Variants in HSD17B12 observed in about 807,000 individuals in gnomAD.
HSD17B12 encodes the protein very-long-chain 3-oxoacyl-CoA reductase.
Under a neutral mutation model 39.3 loss-of-function variants are expected in HSD17B12, and 32 were observed. The ratio of observed to expected loss-of-function variants is 0.81; its 90% CI spans 0.61 to 1.09. The LOEUF (loss-of-function observed/expected upper bound fraction) is 1.09. Among genes scored for constraint, HSD17B12 ranks in the 50% least tolerant of loss-of-function variants. The probability of loss-of-function intolerance (pLI) is 0.00; values close to 1 mark genes in which losing one functional copy is unlikely to be tolerated. For missense variants in HSD17B12, 342 were observed against 382.9 expected (o/e 0.89, Z 0.89); for synonymous variants, 150 against 146.7 (o/e 1.02, Z -0.16).
At chr11:43,810,961 CAT>C (rs1038773685) in intron 4 of HSD17B12, among the ~76,000 whole-genome samples, 4 of 152,292 alleles carry the variant, frequency 2.6e-5, no homozygotes, top group Admixed American at 6.5e-5. Context: ...GTTGGAGCAA[CAT>C]GTGCCATTGT....
chr11:43,687,466 A>G (rs962401374), intron 1 of HSD17B12, among the ~76,000 whole-genome samples: 1 of 152,212 alleles, frequency 6.6e-6, no homozygotes, highest in Non-Finnish European at 1.5e-5. Context: ...TTTGTGAGGG[A>G]AAGTTCTAGA....
intron 1 of HSD17B12, among the ~76,000 whole-genome samples, chr11:43,734,886 A>T (rs73540442): frequency 0.015 from 2,273 of 152,248 alleles, 62 homozygotes; most frequent in African/African-American, 0.051. Flanking sequence ...AGGTATTTCT[A>T]CCACCCCAAA....
At chr11:43,678,154 G>T (rs1215916162), upstream of HSD17B12, among the ~76,000 whole-genome samples, 4 of 151,798 alleles carry the variant, frequency 2.6e-5, no homozygotes, top group Non-Finnish European at 5.9e-5. Flanking sequence ...ATCTCATTGT[G>T]GTTTTGATTT....
chr11:43,827,147 C>T (rs1951251113), intron 6 of HSD17B12, among the ~76,000 whole-genome samples: 1 of 152,064 alleles, frequency 6.6e-6, no homozygotes, highest in Non-Finnish European at 1.5e-5. Context: ...GTATGAATAT[C>T]CTGGATTCCA....
At position 43,855,305 on chromosome 11, in the gene HSD17B12, C is replaced by A; in HGVS notation, c.*57C>A. ...TGCTCCAGCATATGCACGTTCACTGCAAAGCACCCTACTGGTTTTGAAAAT... is the reference window on the plus strand; with the variant it reads ...TGCTCCAGCATATGCACGTTCACTGAAAAGCACCCTACTGGTTTTGAAAAT... On this transcript the variant is annotated 3_prime_UTR_variant, in exon 11 of 11. Coordinates refer to ENST00000278353, the MANE Select transcript of HSD17B12 (RefSeq NM_016142.3). 2.0e-6 allele frequency: 2 copies of A among 985,654 alleles called. No homozygotes were observed. Among genetic ancestry groups the A allele is most frequent in the South Asian group, 1.6e-5 (1 of 62,830 alleles). 61.1% of individuals were successfully genotyped at this position (985,654 alleles called of 1,614,324 possible).
the HSD17B12 span, chr11:43,579,241 C>A: frequency 6.6e-6 from 1 of 152,260 alleles, no homozygotes; most frequent in Non-Finnish European, 1.5e-5. Context: ...CAGTGGCGCG[C>A]CTGCTCGCTC....
the HSD17B12 span, among the ~76,000 whole-genome samples, chr11:43,626,676 T>G: frequency 1.3e-5 from 2 of 152,008 alleles, no homozygotes; most frequent in African/African-American, 4.8e-5. Flanking sequence ...TTTTACAAAC[T>G]TTCCATTTCA....
the HSD17B12 span, chr11:43,569,906 C>G: frequency 6.5e-5 from 10 of 152,798 alleles, no homozygotes; most frequent in African/African-American, 2.2e-4. Flanking sequence ...GCCATAATAA[C>G]CCCTCATTGA....
intron 1 of HSD17B12, among the ~76,000 whole-genome samples, chr11:43,750,162 G>T (rs892489334): frequency 3.3e-5 from 5 of 151,766 alleles, no homozygotes; most frequent in Admixed American, 2.0e-4. Context: ...ACACACAGTA[G>T]TAACTGCCAC....
At chr11:43,667,539 C>T in the HSD17B12 span, among the ~76,000 whole-genome samples, 2 of 152,136 alleles carry the variant, frequency 1.3e-5, no homozygotes, top group Non-Finnish European at 2.9e-5. Context: ...CTAATGAATA[C>T]GGATCGGGTA....
chr11:43,728,915 T>A (rs539042529), intron 1 of HSD17B12, among the ~76,000 whole-genome samples: 2 of 152,288 alleles, frequency 1.3e-5, no homozygotes, highest in South Asian at 4.1e-4. Flanking sequence ...ATATGCTACA[T>A]ATAATATAGA....
At chr11:43,676,742 T>A (rs1005941233), upstream of HSD17B12, among the ~76,000 whole-genome samples, 3 of 152,198 alleles carry the variant, frequency 2.0e-5, no homozygotes, top group Non-Finnish European at 4.4e-5. Flanking sequence ...CTGTTTTAGG[T>A]CCTATGGATT....
chr11:43,559,914 C>A, the HSD17B12 span, among the ~76,000 whole-genome samples: 1 of 152,128 alleles, frequency 6.6e-6, no homozygotes, highest in African/African-American at 2.4e-5. Flanking sequence ...ATTCATGGAA[C>A]CTGGCACAAA....
At chr11:43,695,024 GA>G (rs2134791604) in intron 1 of HSD17B12, among the ~76,000 whole-genome samples, 1 of 152,028 alleles carries the variant, frequency 6.6e-6, no homozygotes, top group South Asian at 2.1e-4. Context: ...CATCTCTACT[GA>G]AAATACAAAA....
intron 9 of HSD17B12, among the ~76,000 whole-genome samples, chr11:43,842,721 T>C (rs1951438478): frequency 6.6e-6 from 1 of 152,194 alleles, no homozygotes; most frequent in Non-Finnish European, 1.5e-5. Flanking sequence ...ATGAATCTAA[T>C]TGTAATTACA....
At chr11:43,703,069 GT>G (rs1949980833) in intron 1 of HSD17B12, among the ~76,000 whole-genome samples, 1 of 151,958 alleles carries the variant, frequency 6.6e-6, no homozygotes, top group South Asian at 2.1e-4. Flanking sequence ...TCTAGTTTTG[GT>G]ATCAAAGTAA....
intron 3 of HSD17B12, among the ~76,000 whole-genome samples, chr11:43,785,686 A>G (rs574762359): frequency 6.6e-6 from 1 of 152,362 alleles, no homozygotes; most frequent in African/African-American, 2.4e-5. Context: ...CTTTTGGTCC[A>G]TCAAAACATT....
chr11:43,735,743 ACT>A (rs1309983178), intron 1 of HSD17B12, among the ~76,000 whole-genome samples: 1 of 152,068 alleles, frequency 6.6e-6, no homozygotes, highest in Non-Finnish European at 1.5e-5. Context: ...ACTACCTGAG[ACT>A]CTGTCATTTA....
chr11:43,743,608 C>T (rs139762452), intron 1 of HSD17B12, among the ~76,000 whole-genome samples: 73 of 152,304 alleles, frequency 4.8e-4, no homozygotes, highest in African/African-American at 1.7e-3. Context: ...ATGAGTAAAA[C>T]ACCTGCAAAC....
Sources: allele counts gnomAD v4.1 joint callset (sites outside exome capture counted in the v4.1 genomes callset), GRCh38; gene constraint gnomAD v4.1.1; transcripts MANE v1.5; gene names NCBI Gene and HGNC (gene_info 2026-07-23, HGNC 2026-07-21).